ODF2L: variants seen among roughly 807,000 people sequenced by gnomAD.
The protein encoded by ODF2L is protein BCAP.
ODF2L carries 76 observed loss-of-function variants against 86.3 expected under a neutral mutation model. That is an observed-to-expected ratio of 0.88 (90% CI 0.73 to 1.07). The LOEUF (loss-of-function observed/expected upper bound fraction) is 1.07, where lower values mean the gene tolerates loss of function less well. Among genes scored for constraint, ODF2L ranks in the 50% least tolerant of loss-of-function variants. The pLI is 0.00. For synonymous variants in ODF2L, 241 were observed against 231.3 expected, an observed-to-expected ratio of 1.04 and a Z score of -0.38; for missense variants, 748 against 717.4, an observed-to-expected ratio of 1.04 and a Z score of -0.49.
chr1:86,370,747 G>C (rs1337804521), intron 10 of ODF2L, among the ~76,000 whole-genome samples: 1 of 152,090 alleles, frequency 6.6e-6, no homozygotes, highest in Non-Finnish European at 1.5e-5. Context: ...ATGACATCTA[G>C]AAATAATCTT....
exon 13 of ODF2L, chr1:86,358,846 C>T: frequency 1.9e-6 from 3 of 1,545,392 alleles, no homozygotes; most frequent in Non-Finnish European, 2.6e-6. Flanking sequence ...AGCAAATTTT[C>T]ACATCTGCTT....
exon 8 of ODF2L, chr1:86,376,348 T>G: frequency 6.2e-7 from 1 of 1,613,032 alleles, no homozygotes; most frequent in Non-Finnish European, 8.5e-7. Context: ...ACTTGCTTCT[T>G]TCATCACTAT....
rs1211912201 is a variant in ODF2L, at chr1:86,385,610, C to G, written c.114-20G>C. The stretch of plus-strand genomic sequence containing the variant: ...TTCAGGCTAATTACAAATGCACATA[C>G]AAAATTTAAGTTAAATCCATTTCAT... On this transcript the variant is annotated intron_variant, in intron 2 of 17. Transcript: ENST00000317336. The G allele has an allele frequency of 1.9e-6, 3 of 1,601,386 alleles. No homozygotes were observed. The Admixed American group carries it at 5.0e-5, about 27-fold the overall frequency.
At chr1:86,356,750 T>A in intron 13 of ODF2L, 148 bp from the exon 13 acceptor site, 2 of 608,246 alleles carry the variant, frequency 3.3e-6, no homozygotes, top group Non-Finnish European at 4.9e-6. Context: ...TATTAAACTC[T>A]GTTAAATAAG....
At chr1:86,393,334 C>G (rs1300693570) in intron 1 of ODF2L, among the ~76,000 whole-genome samples, 2 of 151,336 alleles carry the variant, frequency 1.3e-5, no homozygotes, top group Non-Finnish European at 2.9e-5. Flanking sequence ...CTTTTTTTCC[C>G]CCTACTATTC....
rs764496443 is a variant in ODF2L, at chr1:86,358,891, C to G, written c.1255G>C (p.Val419Leu). Reference sequence around the variant, plus strand: ...TCAGCTGCTTCTTGCAACTTTTGTACCTGAAAATAAAGTATTAGAGAAACA... The same window carrying G: ...TCAGCTGCTTCTTGCAACTTTTGTAGCTGAAAATAAAGTATTAGAGAAACA... The change falls in exon 13 of 18, where the codon GTA (valine) becomes CTA (leucine). Residue 419 changes from valine (V) to leucine (L), a missense_variant and splice_region_variant. Val to Leu is a conservative substitution (Grantham distance 32). Coordinates refer to ENST00000317336, the Ensembl canonical transcript of ODF2L. The G allele has an allele frequency of 4.2e-6, 6 of 1,443,264 alleles. No homozygotes were observed. The South Asian group carries it at 8.3e-5, about 20-fold the overall frequency. 89.4% of individuals were successfully genotyped at this position (1,443,264 alleles called of 1,614,324 possible).
intron 7 of ODF2L, among the ~76,000 whole-genome samples, chr1:86,377,896 C>A (rs1160915181): frequency 6.6e-6 from 1 of 152,208 alleles, no homozygotes; most frequent in Non-Finnish European, 1.5e-5. Context: ...TAATATTCGG[C>A]TTCTCATTAT....
At chr1:86,392,721 C>T (rs1288143601) in intron 1 of ODF2L, among the ~76,000 whole-genome samples, 1 of 152,098 alleles carries the variant, frequency 6.6e-6, no homozygotes, top group East Asian at 1.9e-4. Context: ...GTGTACACTG[C>T]TCAGGGATGG....
downstream of ODF2L, chr1:86,349,134 T>A: frequency 4.9e-6 from 1 of 204,282 alleles, no homozygotes. Flanking sequence ...ATATTTAACA[T>A]GATTAACTTA....
intron 3 of ODF2L, 109 bp from the exon 4 acceptor site, chr1:86,384,910 T>C (rs1477382635): frequency 6.5e-6 from 5 of 770,004 alleles, no homozygotes; most frequent in African/African-American, 3.7e-5. Flanking sequence ...AATCATTCTT[T>C]TGTGCATAGT....
intron 11 of ODF2L, among the ~76,000 whole-genome samples, chr1:86,364,896 G>A (rs1659295630): frequency 6.6e-6 from 1 of 152,150 alleles, no homozygotes; most frequent in Admixed American, 6.5e-5. Flanking sequence ...TTTGGATTTT[G>A]TTATATATGG....
chr1:86,380,941 T>C (rs1660538423), intron 7 of ODF2L, among the ~76,000 whole-genome samples: 1 of 149,908 alleles, frequency 6.7e-6, no homozygotes, highest in African/African-American at 2.5e-5. Context: ...ATTGAGTTCA[T>C]TGGATTCATA....
rs756930880 is a variant in ODF2L at position 86,356,434 on chromosome 1, G to A, written c.1518+10C>T. On this transcript the variant is annotated intron_variant, in intron 14 of 17. Transcript: ENST00000317336. ...CGCATCTAGCAAAACTCAGAAGGAC[G>A]GCTGGACACCTGGCCCTGAAGCTCC... is the stretch of plus-strand genomic sequence containing the variant. 6.9e-6 allele frequency: 11 copies of A among 1,592,588 alleles called. No individual in the cohort carries two copies. The highest frequency in any genetic ancestry group is 3.4e-5 in the South Asian group (3 of 88,316).
intron 10 of ODF2L, 123 bp downstream of exon 10, chr1:86,370,895 A>G (rs1315647775): frequency 1.9e-6 from 1 of 524,312 alleles, no homozygotes; most frequent in Non-Finnish European, 3.2e-6. Context: ...TATCCTGACA[A>G]GCATAGAAGA....
At chr1:86,359,326 T>C (rs1221904043) in intron 12 of ODF2L, among the ~76,000 whole-genome samples, 1 of 151,222 alleles carries the variant, frequency 6.6e-6, no homozygotes, top group Admixed American at 6.6e-5. Flanking sequence ...TAAACCCAAA[T>C]AACCAGCTGG....
exon 4 of ODF2L, chr1:86,384,736 G>T: frequency 6.5e-7 from 1 of 1,528,410 alleles, no homozygotes; most frequent in Non-Finnish European, 8.8e-7. Context: ...TTTTGAAGGT[G>T]TCTAATTCTT....
Position 86,358,854 on chromosome 1 carries a change from CT to C in ODF2L, c.1291del (p.Ser431AlafsTer13). The C allele has an allele frequency of 6.5e-7, 1 of 1,546,018 alleles. No homozygotes were observed. The highest frequency in any genetic ancestry group is 2.4e-5 in the East Asian group (1 of 41,904). On this transcript the variant is annotated frameshift_variant, in exon 13 of 18. Coordinates refer to ENST00000317336, the Ensembl canonical transcript of ODF2L. LOFTEE classifies it high-confidence loss of function. ...TTTATGTAGCAAATTTTCACATCTG[CT>C]TTTTACTATTTCAGCTGCTTCTTGC...
chr1:86,386,740 C>A, intron 2 of ODF2L, 175 bp downstream of exon 2: 1 of 426,370 alleles, frequency 2.3e-6, no homozygotes, highest in South Asian at 8.2e-5. Context: ...TAGTTGAATT[C>A]TGCTAGATGA....
At chr1:86,373,763 C>T (rs969048947) in intron 8 of ODF2L, among the ~76,000 whole-genome samples, 3 of 152,074 alleles carry the variant, frequency 2.0e-5, no homozygotes, top group Non-Finnish European at 2.9e-5. Flanking sequence ...GCTATAATGA[C>T]GCCAAGATCT....
Sources: allele counts gnomAD v4.1 joint callset (sites outside exome capture counted in the v4.1 genomes callset), GRCh38; gene constraint gnomAD v4.1.1; transcripts MANE v1.5; gene names NCBI Gene and HGNC (gene_info 2026-07-23, HGNC 2026-07-21).